The following SLC9A4 variants were observed in gnomAD, a reference collection of about 807,000 sequenced individuals.
SLC9A4 encodes the protein sodium/hydrogen exchanger 4.
In SLC9A4, 63 loss-of-function variants were observed where a neutral mutation model predicts 67.4. The ratio of observed to expected loss-of-function variants is 0.93; its 90% CI spans 0.76 to 1.15. The LOEUF (loss-of-function observed/expected upper bound fraction) is 1.15, where lower values mean the gene tolerates loss of function less well. Among genes scored for constraint, SLC9A4 ranks in the 50% most tolerant of loss-of-function variants. The probability of loss-of-function intolerance (pLI) is 0.00; values close to 1 mark genes in which losing one functional copy is unlikely to be tolerated. For synonymous variants in SLC9A4, 393 were observed against 367.2 expected (o/e 1.07, Z -0.80); for missense variants, 1,089 against 987.7 (o/e 1.10, Z -1.38).
chr2:102,532,142 T>C (rs1674789265), intron 11 of SLC9A4, among the ~76,000 whole-genome samples, 188 bp from the exon 12 acceptor site: 1 of 152,190 alleles, frequency 6.6e-6, no homozygotes, highest in Non-Finnish European at 1.5e-5. Context: ...ACTTATAGCT[T>C]CTGTCCTCCC....
intron 9 of SLC9A4, among the ~76,000 whole-genome samples, chr2:102,520,268 C>T (rs998159798): frequency 6.6e-6 from 1 of 152,112 alleles, no homozygotes; most frequent in Non-Finnish European, 1.5e-5. Flanking sequence ...ACACACCACA[C>T]CACAGAACAA....
In SLC9A4 at chr2:102,512,203, C is replaced by A. The variant is rs199729527; in HGVS notation, c.1489C>A (p.Leu497Met). The A allele has an allele frequency of 6.2e-7, 1 of 1,613,910 alleles. No homozygotes were observed. The highest frequency in any genetic ancestry group is 8.5e-7 in the Non-Finnish European group (1 of 1,179,900). Residue 497 changes from leucine (L) to methionine (M), a missense_variant and splice_region_variant, in exon 7 of 12, where the codon CTG (leucine) becomes ATG (methionine). Leu to Met is a conservative substitution (Grantham distance 15). Coordinates refer to ENST00000295269, the MANE Select transcript of SLC9A4 (RefSeq NM_001011552.4). ...TCATTTTCTTGTGTTTGTTTGGCAGCTGATGGATCACTTAAAGGCTGGAAT... is the reference window on the plus strand; with the variant it reads ...TCATTTTCTTGTGTTTGTTTGGCAGATGATGGATCACTTAAAGGCTGGAAT... ...ESINEELHIR[L>M]MDHLKAGIED... is the part of the protein sequence containing the mutation.
chr2:102,475,357 T>A (rs1308685216), intron 1 of SLC9A4, among the ~76,000 whole-genome samples: 1 of 152,240 alleles, frequency 6.6e-6, no homozygotes, highest in Non-Finnish European at 1.5e-5. Context: ...TTCCACAACC[T>A]GGCTTCCTCT....
chr2:102,532,709 T>G lies in SLC9A4; in HGVS notation c.*21T>G, dbSNP rs377402468. The G allele has an allele frequency of 1.5e-5, 24 of 1,595,036 alleles. No homozygotes were observed. The highest frequency in any genetic ancestry group is 2.0e-5 in the Non-Finnish European group (23 of 1,168,978). On this transcript the variant is annotated 3_prime_UTR_variant, in exon 12 of 12. Coordinates refer to ENST00000295269, the MANE Select transcript of SLC9A4 (RefSeq NM_001011552.4). ...AATAGTGTTATTGTCCACAAGATTG[T>G]TTTGGTGTTTCTCAAGAGTCTGTCT...
At chr2:102,528,036 C>G (rs1046418608) in intron 11 of SLC9A4, among the ~76,000 whole-genome samples, 1 of 151,952 alleles carries the variant, frequency 6.6e-6, no homozygotes, top group East Asian at 1.9e-4. Context: ...TGAGATGAGT[C>G]TCTCTCTGTC....
intron 9 of SLC9A4, among the ~76,000 whole-genome samples, chr2:102,521,892 T>C (rs575023175): frequency 5.3e-5 from 8 of 152,294 alleles, no homozygotes; most frequent in Admixed American, 3.3e-4. Flanking sequence ...AGAGTTTGAC[T>C]CTGGGCGACC....
At chr2:102,526,458 A>G in intron 11 of SLC9A4, 112 bp downstream of exon 11, 1 of 892,542 alleles carries the variant, frequency 1.1e-6, no homozygotes, top group Middle Eastern at 2.5e-4. Context: ...TACTTACATG[A>G]TAAGAAAAAG....
In SLC9A4 at chr2:102,490,256, A is replaced by G. The variant is rs117393470; in HGVS notation, c.720+10954A>G. 2.0e-5 allele frequency among the ~76,000 whole-genome samples: 3 copies of G among 152,330 alleles called. No homozygotes were observed. In the East Asian group the frequency reaches 5.8e-4, roughly 29 times the overall value. On this transcript the variant is annotated intron_variant, in intron 2 of 11. Transcript: ENST00000295269. ...ACATAGCCCTCTGTATTAGCCCTCT[A>G]GGGCTGTTGTAATAAAATAGCAGAG...
At chr2:102,515,478 G>T (rs1685258465) in intron 8 of SLC9A4, among the ~76,000 whole-genome samples, 3 of 150,172 alleles carry the variant, frequency 2.0e-5, no homozygotes. Context: ...CTTTGAGGGT[G>T]GTGGAGGGGT....
intron 1 of SLC9A4, 76 bp from the exon 2 acceptor site, chr2:102,478,763 C>T (rs1684386333): frequency 1.4e-6 from 2 of 1,437,824 alleles, no homozygotes; most frequent in South Asian, 1.3e-5. Context: ...GTCCTGTCTG[C>T]TTGACTTTAA....
intron 2 of SLC9A4, among the ~76,000 whole-genome samples, chr2:102,492,292 C>G (rs963968492): frequency 2.6e-5 from 4 of 152,240 alleles, no homozygotes; most frequent in African/African-American, 7.2e-5. Context: ...GTGGGGGCTC[C>G]AACTCCACAT....
intron 4 of SLC9A4, among the ~76,000 whole-genome samples, chr2:102,506,497 G>T (rs1685052863): frequency 6.6e-6 from 1 of 152,146 alleles, no homozygotes. Context: ...ATATATGTTT[G>T]TTGGGCTCCT....
chr2:102,491,317 CT>C (rs61708027), intron 2 of SLC9A4, among the ~76,000 whole-genome samples: 9 of 45,766 alleles, frequency 2.0e-4, no homozygotes, highest in East Asian at 1.8e-3. Context: ...TGTACTAATG[CT>C]TTTTTTTTTT....
rs750554918 is a variant in SLC9A4, at chr2:102,532,648, A to T, written c.2357A>T (p.Asp786Val). Residue 786 changes from aspartate to valine, a missense_variant, in exon 12 of 12, where the codon GAC becomes GTC. Asp to Val is a radical substitution (Grantham distance 152). Transcript: ENST00000295269. ...ACAGCTGACCATGGACACGGCAGGG[A>T]CCATCACAGGTCCCATAGTCCTTTG... Reference protein sequence around the residue: ...RWTADHGHGRDHHRSHSPLLQ... With the variant: ...RWTADHGHGRVHHRSHSPLLQ... The T allele has an allele frequency of 2.5e-6, 4 of 1,614,014 alleles. No individual in the cohort carries two copies. Among genetic ancestry groups the T allele is most frequent in the Non-Finnish European group, 3.4e-6 (4 of 1,180,000 alleles).
chr2:102,481,750 A>G (rs904082431), intron 2 of SLC9A4, among the ~76,000 whole-genome samples: 4 of 152,296 alleles, frequency 2.6e-5, no homozygotes, highest in African/African-American at 9.6e-5. Flanking sequence ...AAATTTTTAT[A>G]TAGTGAAACC....
chr2:102,521,920 C>T lies in SLC9A4; in HGVS notation c.1818+1965C>T, dbSNP rs79444979. 3.7e-3 allele frequency among the ~76,000 whole-genome samples: 559 copies of T among 152,220 alleles called. 2 individuals carry two copies. The highest frequency in any genetic ancestry group is 0.013 in the African/African-American group (531 of 41,520). On this transcript the variant is annotated intron_variant, in intron 9 of 11. Transcript: ENST00000295269. Reference sequence around the variant, plus strand: ...GGGCGACCCTAATGCACAGTTGATCCGAAACTGAGCTGGCCCTGCTGGGTC... The same window carrying T: ...GGGCGACCCTAATGCACAGTTGATCTGAAACTGAGCTGGCCCTGCTGGGTC...
chr2:102,523,775 C>A (rs779788369), intron 9 of SLC9A4, among the ~76,000 whole-genome samples: 4 of 152,192 alleles, frequency 2.6e-5, no homozygotes, highest in Admixed American at 2.0e-4. Context: ...GTAACAGACT[C>A]ATTCCTGGCT....
At chr2:102,483,841 T>TATATATATAC (rs370126753) in intron 2 of SLC9A4, among the ~76,000 whole-genome samples, 1 of 126,792 alleles carries the variant, frequency 7.9e-6, no homozygotes, top group South Asian at 2.6e-4. Flanking sequence ...TATATATATA[T>TATATATATAC]ACACACACAC....
chr2:102,493,551 G>A (rs1223928417), intron 2 of SLC9A4, among the ~76,000 whole-genome samples: 3 of 151,688 alleles, frequency 2.0e-5, no homozygotes, highest in Non-Finnish European at 4.4e-5. Flanking sequence ...CAGCATGGAG[G>A]TAACCATCCC....
Sources: allele counts gnomAD v4.1 joint callset (sites outside exome capture counted in the v4.1 genomes callset), GRCh38; gene constraint gnomAD v4.1.1; transcripts MANE v1.5; gene names NCBI Gene and HGNC (gene_info 2026-07-23, HGNC 2026-07-21).